The following DCC variants were observed in gnomAD, a reference collection of about 807,000 sequenced individuals.
The protein encoded by DCC is DCC netrin 1 receptor, also known as netrin receptor DCC.
Under a neutral mutation model 172.5 loss-of-function variants are expected in DCC, and 58 were observed. The observed-to-expected ratio is 0.34, with a 90% CI of 0.27 to 0.42. The LOEUF (loss-of-function observed/expected upper bound fraction) is 0.42. Ranked by LOEUF, DCC falls within the 10% of genes least tolerant of loss-of-function variation. The pLI, the probability that DCC is intolerant of heterozygous loss-of-function variation, is 1.00. For synonymous variants in DCC, 709 were observed against 644.5 expected (o/e 1.10, Z -1.52); for missense variants, 1,740 against 1,791.0 (o/e 0.97, Z 0.51).
rs181964193 is a variant in DCC at position 53,180,015 on chromosome 18, A to T, written c.1573+899A>T. Among the ~76,000 whole-genome samples, 858 of 152,324 alleles carry T rather than the reference A, an allele frequency of 5.6e-3. 7 individuals are homozygous for T. The highest frequency in any genetic ancestry group is 0.017 in the Middle Eastern group (5 of 294). ...TTTGATTTCCTGTTCATTTTACGTG[A>T]AACTGTAAAGAGGTATATCAAAATC... On this transcript the variant is annotated intron_variant, in intron 9 of 28. Coordinates refer to ENST00000442544, the MANE Select transcript of DCC (RefSeq NM_005215.4).
intron 15 of DCC, among the ~76,000 whole-genome samples, chr18:53,362,868 A>G (rs1216585345): frequency 1.3e-5 from 2 of 152,164 alleles, no homozygotes; most frequent in Admixed American, 6.6e-5. Context: ...CACTTAATAC[A>G]TGCATTATGA....
At chr18:52,440,432 T>C (rs1038596192) in intron 1 of DCC, among the ~76,000 whole-genome samples, 1 of 152,218 alleles carries the variant, frequency 6.6e-6, no homozygotes, top group Admixed American at 6.5e-5. Context: ...AGCCATTTAT[T>C]TCAGGTGTGT....
At chr18:52,888,521 A>G (rs920091278) in intron 2 of DCC, among the ~76,000 whole-genome samples, 2 of 152,164 alleles carry the variant, frequency 1.3e-5, no homozygotes, top group African/African-American at 4.8e-5. Flanking sequence ...GAAAGAACCC[A>G]AGTCAGCTTA....
chr18:53,055,218 A>G (rs2042387801), intron 5 of DCC, among the ~76,000 whole-genome samples: 1 of 152,182 alleles, frequency 6.6e-6, no homozygotes, highest in African/African-American at 2.4e-5. Context: ...ATTCATATCC[A>G]GATTGATGCC....
chr18:52,820,518 G>A (rs1449485824), intron 2 of DCC, among the ~76,000 whole-genome samples: 2 of 151,896 alleles, frequency 1.3e-5, no homozygotes, highest in African/African-American at 2.4e-5. Flanking sequence ...TCTAGAGCTC[G>A]TGGGTCCATC....
intron 5 of DCC, among the ~76,000 whole-genome samples, chr18:53,020,305 G>A (rs2041862206): frequency 6.6e-6 from 1 of 152,204 alleles, no homozygotes; most frequent in Admixed American, 6.5e-5. Context: ...ATTAAAAATA[G>A]TTCTTTTCAT....
intron 5 of DCC, among the ~76,000 whole-genome samples, chr18:53,052,997 G>A (rs2042354268): frequency 6.6e-6 from 1 of 152,004 alleles, no homozygotes; most frequent in East Asian, 1.9e-4. Flanking sequence ...ACAAAAATTA[G>A]TAGAGCGTGA....
intron 2 of DCC, among the ~76,000 whole-genome samples, chr18:52,800,180 C>A (rs533077068): frequency 1.3e-5 from 2 of 152,288 alleles, no homozygotes; most frequent in Admixed American, 1.3e-4. Flanking sequence ...ATGGGTCCTA[C>A]TCAATAAGTA....
chr18:52,950,798 G>A (rs1026521981), intron 5 of DCC, among the ~76,000 whole-genome samples: 2 of 151,600 alleles, frequency 1.3e-5, no homozygotes, highest in African/African-American at 2.4e-5. Context: ...GGTGGCGGGC[G>A]CCTGTAGTCC....
chr18:52,488,957 C>G (rs1270356484), intron 1 of DCC, among the ~76,000 whole-genome samples: 2 of 152,016 alleles, frequency 1.3e-5, no homozygotes, highest in East Asian at 3.9e-4. Flanking sequence ...CCTCTTCCCC[C>G]TTCTTCTCTT....
chr18:52,689,761 T>C (rs1029491829), intron 1 of DCC, among the ~76,000 whole-genome samples: 3 of 152,118 alleles, frequency 2.0e-5, no homozygotes, highest in Non-Finnish European at 4.4e-5. Flanking sequence ...CTGAAAAGAC[T>C]CTTAATTTGG....
intron 2 of DCC, among the ~76,000 whole-genome samples, chr18:52,827,779 G>A (rs1489878598): frequency 6.6e-6 from 1 of 152,114 alleles, no homozygotes; most frequent in East Asian, 1.9e-4. Context: ...ATTTTAAAAT[G>A]TATGTATTCC....
At chr18:52,417,922 C>T (rs1472287659) in intron 1 of DCC, among the ~76,000 whole-genome samples, 4 of 152,200 alleles carry the variant, frequency 2.6e-5, no homozygotes, top group African/African-American at 9.7e-5. Context: ...TGAGGAACTG[C>T]GTTCCTTTGC....
At chr18:53,423,722 T>C (rs1301221209) in intron 21 of DCC, among the ~76,000 whole-genome samples, 1 of 152,236 alleles carries the variant, frequency 6.6e-6, no homozygotes, top group Non-Finnish European at 1.5e-5. Flanking sequence ...CTTTGCTATT[T>C]ATATTCTTAG....
chr18:52,588,021 G>A (rs1002652584), intron 1 of DCC, among the ~76,000 whole-genome samples: 1 of 152,166 alleles, frequency 6.6e-6, no homozygotes, highest in Non-Finnish European at 1.5e-5. Context: ...CCACTTTATG[G>A]CTAGATGGGT....
chr18:52,830,324 T>C (rs1263349384), intron 2 of DCC, among the ~76,000 whole-genome samples: 1 of 152,196 alleles, frequency 6.6e-6, no homozygotes, highest in African/African-American at 2.4e-5. Flanking sequence ...ATCGTTAGTG[T>C]ATTTTATGTG....
At chr18:53,451,423 A>G (rs537835514) in intron 23 of DCC, among the ~76,000 whole-genome samples, 47 of 152,156 alleles carry the variant, frequency 3.1e-4, no homozygotes, top group Non-Finnish European at 3.8e-4. Flanking sequence ...GTCAGCAATA[A>G]TCTCACAGCC....
chr18:53,155,863 C>T (rs1348958466), intron 7 of DCC, among the ~76,000 whole-genome samples: 1 of 152,164 alleles, frequency 6.6e-6, no homozygotes, highest in Non-Finnish European at 1.5e-5. Flanking sequence ...CCTGTCTCTA[C>T]CAAAAATACA....
chr18:53,039,468 C>T lies in DCC; in HGVS notation c.986-23837C>T, dbSNP rs540128390. On this transcript the variant is annotated intron_variant, in intron 5 of 28. Transcript: ENST00000442544. ...CAGAGGAAGGTCTATGTTGTACTTT[C>T]GTAGCCAACTAGAATGTTAAAAGGA... Among the ~76,000 whole-genome samples the T allele has an allele frequency of 2.0e-5, 3 of 152,120 alleles. No individual in the cohort carries two copies. The East Asian group carries it at 5.8e-4, about 29-fold the overall frequency.
Sources: gnomAD v4.1 joint callset for allele counts (sites outside exome capture counted in the v4.1 genomes callset) on GRCh38, gnomAD v4.1.1 for gene constraint, MANE v1.5 for transcripts, NCBI Gene and HGNC (gene_info 2026-07-23, HGNC 2026-07-21) for gene names.